PCDHGB1: variants seen among roughly 807,000 people sequenced by gnomAD.
PCDHGB1 encodes protocadherin gamma subfamily B, 1.
PCDHGB1 carries 34 observed loss-of-function variants against 56.6 expected under a neutral mutation model. The observed-to-expected ratio is 0.60, with a 90% CI of 0.46 to 0.80. The LOEUF (loss-of-function observed/expected upper bound fraction) is 0.80, where lower values mean the gene tolerates loss of function less well. PCDHGB1 is among the 30% of genes least tolerant of loss of function. The pLI, the probability that PCDHGB1 is intolerant of heterozygous loss-of-function variation, is 0.00. For missense variants in PCDHGB1, 1,278 were observed against 1,204.6 expected, an observed-to-expected ratio of 1.06 and a Z score of -0.90; for synonymous variants, 561 against 505.9, an observed-to-expected ratio of 1.11 and a Z score of -1.46.
chr5:141,476,977 C>T lies in PCDHGB1; in HGVS notation c.2410-17830C>T, dbSNP rs141692339. 3,083 of 1,614,232 alleles carry T rather than the reference C, an allele frequency of 1.9e-3. 52 individuals carry two copies. The African/African-American group carries it at 0.034, about 18-fold the overall frequency. Reference sequence around the variant, plus strand: ...TTATTTACTCCTTCGGCAGCCACAACCGCGCCGGCGTGCGGCAACTATTCG... The same window carrying T: ...TTATTTACTCCTTCGGCAGCCACAATCGCGCCGGCGTGCGGCAACTATTCG... On this transcript the variant is annotated intron_variant, in intron 1 of 3. Coordinates refer to ENST00000523390, the MANE Select transcript of PCDHGB1 (RefSeq NM_018922.3). This position sits in a 1 kb window ranked among gnomAD's most constrained non-coding sequence, Gnocchi z 7.6.
intron 3 of PCDHGB1, among the ~76,000 whole-genome samples, chr5:141,509,686 G>A (rs1350812680): frequency 6.6e-6 from 1 of 152,212 alleles, no homozygotes; most frequent in Non-Finnish European, 1.5e-5. Flanking sequence ...CTTCTGTACA[G>A]TGGGACGTTG....
rs1018272442 is a variant in PCDHGB1 at position 141,419,770 on chromosome 5, G to T, written c.2409+67101G>T. The stretch of plus-strand genomic sequence containing the variant: ...TGCGTGCTTTGGGTGACAAGGACTC[G>T]GTCCGCCAGCGCCTGCTAGTCGCTG... On this transcript the variant is annotated intron_variant, in intron 1 of 3. Transcript: ENST00000523390. 6.2e-6 allele frequency: 10 copies of T among 1,613,888 alleles called. No homozygotes were observed. The African/African-American group carries it at 1.2e-4, about 19-fold the overall frequency.
intron 1 of PCDHGB1, chr5:141,384,715 T>C: frequency 6.2e-7 from 1 of 1,614,088 alleles, no homozygotes. Flanking sequence ...CTGGCTGTCA[T>C]ACCTCCTGCT....
At chr5:141,370,623 G>T (rs1269464778) in intron 1 of PCDHGB1, 3 of 1,613,940 alleles carry the variant, frequency 1.9e-6, no homozygotes, top group African/African-American at 1.3e-5. Flanking sequence ...ATTCTTTACC[G>T]TGAGCCCCGA....
At chr5:141,440,763 T>A (rs2098198978) in intron 1 of PCDHGB1, 1 of 152,138 alleles carries the variant, frequency 6.6e-6, no homozygotes, top group Admixed American at 6.6e-5. Flanking sequence ...AGAGCTCCCA[T>A]CCCTTAGTGC....
At position 141,444,152 on chromosome 5, in the gene PCDHGB1, A is replaced by ATTT. The variant is rs747671382; in HGVS notation, c.2410-50621_2410-50619dup. 1.9e-3 allele frequency among the ~76,000 whole-genome samples: 66 copies of ATTT among 33,898 alleles called. 23 individuals are homozygous for ATTT. Among genetic ancestry groups the ATTT allele is most frequent in the African/African-American group, 4.6e-3 (33 of 7,184 alleles). The allele number at this position is 33,898 out of a possible 152,430, so 22.2% of individuals were successfully genotyped here. A position where few individuals can be genotyped will look rare whatever the true frequency, so the allele number is the denominator to read the frequency against. On this transcript the variant is annotated intron_variant, in intron 1 of 3. Transcript: ENST00000523390. Reference sequence around the variant, plus strand: ...GATATGTGTCACTTGTGTGTACTGGATTTTTTTTTTTTTTTTTTTTTTTTT... The same window carrying ATTT: ...GATATGTGTCACTTGTGTGTACTGGATTTTTTTTTTTTTTTTTTTTTTTTTTTT...
At chr5:141,360,280 A>T (rs1761513313) in intron 1 of PCDHGB1, 1 of 1,613,856 alleles carries the variant, frequency 6.2e-7, no homozygotes, top group African/African-American at 1.3e-5. Context: ...GGTCGTAGGA[A>T]ACCTCGCCAA....
intron 1 of PCDHGB1, chr5:141,415,217 GCTTCGAGTCT>G: frequency 2.5e-6 from 4 of 1,614,124 alleles, no homozygotes; most frequent in Non-Finnish European, 3.4e-6. Context: ...GACCTCGGCA[GCTTCGAGTCT>G]CCAGCTAACT....
At position 141,393,913 on chromosome 5, in the gene PCDHGB1, C is replaced by T. The variant is rs1170452204; in HGVS notation, c.2409+41244C>T. ...AATTCTCTTCCCGGGACAGTAATTG[C>T]CTTCTTGAGTGTGCATGACCAAGAC... On this transcript the variant is annotated intron_variant, in intron 1 of 3. Coordinates refer to ENST00000523390, the MANE Select transcript of PCDHGB1 (RefSeq NM_018922.3). 3.1e-6 allele frequency: 5 copies of T among 1,613,780 alleles called. No homozygotes were observed. The South Asian group carries it at 3.3e-5, about 11-fold the overall frequency.
chr5:141,448,211 T>TA (rs2098575794), intron 1 of PCDHGB1, among the ~76,000 whole-genome samples: 1 of 152,212 alleles, frequency 6.6e-6, no homozygotes, highest in East Asian at 1.9e-4. Flanking sequence ...TTTCTGTGTG[T>TA]ATGCGAATGT....
At chr5:141,423,783 A>G in intron 1 of PCDHGB1, 1 of 1,264,712 alleles carries the variant, frequency 7.9e-7, no homozygotes, top group South Asian at 1.9e-5. Context: ...TATTTAGTTC[A>G]TATATATTTA....
At chr5:141,408,148 G>C in intron 1 of PCDHGB1, 2 of 1,504,962 alleles carry the variant, frequency 1.3e-6, no homozygotes, top group Non-Finnish European at 1.8e-6. Context: ...TAGCGCGGTA[G>C]AGTGCACTTT....
chr5:141,374,354 G>C, intron 1 of PCDHGB1: 1 of 1,614,036 alleles, frequency 6.2e-7, no homozygotes, highest in East Asian at 2.2e-5. Context: ...GGGTAGGATA[G>C]ACCGCGAGGA....
chr5:141,408,933 G>C, intron 1 of PCDHGB1: 1 of 1,613,550 alleles, frequency 6.2e-7, no homozygotes, highest in South Asian at 1.1e-5. Context: ...GTTTTCAGCA[G>C]AGACGAATAT....
intron 1 of PCDHGB1, chr5:141,400,544 A>G (rs1436586530): frequency 6.2e-7 from 1 of 1,613,568 alleles, no homozygotes; most frequent in Non-Finnish European, 8.5e-7. Flanking sequence ...ATTTATGTCT[A>G]TTCTTTTTCA....
At chr5:141,500,699 A>G (rs780869966) in intron 2 of PCDHGB1, among the ~76,000 whole-genome samples, 1 of 152,156 alleles carries the variant, frequency 6.6e-6, no homozygotes, top group Non-Finnish European at 1.5e-5. Context: ...TCTTCTTTGC[A>G]GTGTATCATG....
intron 1 of PCDHGB1, chr5:141,410,640 G>T: frequency 1.3e-6 from 2 of 1,599,058 alleles, no homozygotes; most frequent in Non-Finnish European, 1.7e-6. Flanking sequence ...TCTTTTTTGT[G>T]TGTGATTTAT....
chr5:141,442,650 G>A (rs192694987), intron 1 of PCDHGB1, among the ~76,000 whole-genome samples: 83 of 152,350 alleles, frequency 5.4e-4, no homozygotes, highest in Admixed American at 9.1e-4. Flanking sequence ...CCTAAGATGA[G>A]AAATATTTGG....
chr5:141,356,479 C>T (rs751078238), intron 1 of PCDHGB1: 1 of 1,613,936 alleles, frequency 6.2e-7, no homozygotes. Context: ...TGCCACTGAC[C>T]AGGGAACTCC....
Sources: allele counts gnomAD v4.1 joint callset (sites outside exome capture counted in the v4.1 genomes callset), GRCh38; gene constraint gnomAD v4.1.1; non-coding constraint Gnocchi (gnomAD v3.1); transcripts MANE v1.5; gene names NCBI Gene and HGNC (gene_info 2026-07-23, HGNC 2026-07-21).